STXBP4: variants seen among roughly 807,000 people sequenced by gnomAD.
STXBP4 encodes syntaxin binding protein 4, also known as syntaxin-binding protein 4.
A neutral mutation model predicts 76.1 loss-of-function variants in STXBP4; 55 were observed. The ratio of observed to expected loss-of-function variants is 0.72; its 90% CI spans 0.58 to 0.91. The LOEUF (loss-of-function observed/expected upper bound fraction) is 0.91, where lower values mean the gene tolerates loss of function less well. Among genes scored for constraint, STXBP4 ranks in the 40% least tolerant of loss-of-function variants. The probability of loss-of-function intolerance (pLI) is 0.00; values close to 1 mark genes in which losing one functional copy is unlikely to be tolerated. For synonymous variants in STXBP4, 201 were observed against 220.2 expected (o/e 0.91, Z 0.77); for missense variants, 618 against 636.9 (o/e 0.97, Z 0.32).
chr17:55,108,992 A>G (rs2079674313), intron 16 of STXBP4, among the ~76,000 whole-genome samples: 1 of 152,222 alleles, frequency 6.6e-6, no homozygotes, highest in African/African-American at 2.4e-5. Context: ...AAAGTTGACA[A>G]AAATACATCC....
chr17:55,050,304 C>T (rs2078844014), intron 12 of STXBP4, among the ~76,000 whole-genome samples: 1 of 151,914 alleles, frequency 6.6e-6, no homozygotes, highest in South Asian at 2.1e-4. Context: ...GAAAAATAGG[C>T]AAAAGACCTG....
the STXBP4 span, among the ~76,000 whole-genome samples, chr17:55,180,371 A>G: frequency 6.6e-6 from 1 of 152,250 alleles, no homozygotes; most frequent in African/African-American, 2.4e-5. Context: ...AAAGAACTAT[A>G]GGAACTTTCA....
chr17:55,128,109 A>T (rs1480853903), intron 16 of STXBP4, among the ~76,000 whole-genome samples: 3 of 152,200 alleles, frequency 2.0e-5, no homozygotes, highest in Admixed American at 2.0e-4. Flanking sequence ...TAAAATTTCA[A>T]ATATGTGCAA....
At chr17:55,034,652 A>G (rs1387507604) in intron 10 of STXBP4, among the ~76,000 whole-genome samples, 3 of 152,140 alleles carry the variant, frequency 2.0e-5, no homozygotes, top group African/African-American at 4.8e-5. Flanking sequence ...TATAGCCTAA[A>G]CCATCCTTAT....
chr17:55,103,546 T>G (rs2079591577), intron 16 of STXBP4, among the ~76,000 whole-genome samples: 2 of 151,552 alleles, frequency 1.3e-5, no homozygotes, highest in Non-Finnish European at 2.9e-5. Context: ...TGTAGTATAG[T>G]TTGAAGTCAG....
chr17:54,984,866 C>A (rs2077605043), intron 1 of STXBP4, among the ~76,000 whole-genome samples: 1 of 151,720 alleles, frequency 6.6e-6, no homozygotes, highest in Non-Finnish European at 1.5e-5. Context: ...AGCTTCTTCA[C>A]CCCTCTTTTA....
At chr17:55,100,986 A>G (rs2079556692) in intron 16 of STXBP4, among the ~76,000 whole-genome samples, 1 of 152,178 alleles carries the variant, frequency 6.6e-6, no homozygotes, top group South Asian at 2.1e-4. Flanking sequence ...GACCACAGCC[A>G]TGCTCAACCT....
chr17:55,024,620 A>G (rs1412567643), intron 8 of STXBP4, among the ~76,000 whole-genome samples: 1 of 152,198 alleles, frequency 6.6e-6, no homozygotes, highest in East Asian at 1.9e-4. Flanking sequence ...TTAGAGAAAC[A>G]ATGGTGTAAC....
chr17:55,169,221 A>T lies in STXBP4; in HGVS notation c.*9310A>T, dbSNP rs1002542421. The T allele has an allele frequency of 6.6e-6, 1 of 152,234 alleles. No homozygotes were observed. Among genetic ancestry groups the T allele is most frequent in the Non-Finnish European group, 1.5e-5 (1 of 68,054 alleles). 9.4% of individuals were successfully genotyped at this position (152,234 alleles called of 1,614,324 possible). ...GGGAAAAAAACCCACAAAAAGTGTG[A>T]TGTCAAGCAAAGCCTATTCTGGAGA... On this transcript the variant is annotated 3_prime_UTR_variant, in exon 18 of 18. Coordinates refer to ENST00000376352, the MANE Select transcript of STXBP4 (RefSeq NM_178509.6).
chr17:55,123,557 A>G (rs1259216930), intron 16 of STXBP4, among the ~76,000 whole-genome samples: 1 of 152,168 alleles, frequency 6.6e-6, no homozygotes, highest in East Asian at 1.9e-4. Flanking sequence ...ACAATAATGG[A>G]CTATATCTGA....
At chr17:55,003,387 G>A (rs1219294676) in intron 7 of STXBP4, among the ~76,000 whole-genome samples, 1 of 152,152 alleles carries the variant, frequency 6.6e-6, no homozygotes, top group Non-Finnish European at 1.5e-5. Context: ...TTTTTCTAGA[G>A]TAGAAAGTGC....
intron 2 of STXBP4, among the ~76,000 whole-genome samples, 163 bp from the exon 3 acceptor site, chr17:54,985,979 A>G (rs1051789552): frequency 2.6e-5 from 4 of 152,214 alleles, no homozygotes; most frequent in African/African-American, 9.6e-5. Flanking sequence ...GTTATTGTCA[A>G]TGATAAAATG....
intron 8 of STXBP4, among the ~76,000 whole-genome samples, chr17:55,015,993 G>T (rs538526969): frequency 3.9e-5 from 6 of 152,264 alleles, no homozygotes; most frequent in Admixed American, 1.3e-4. Context: ...AGGCAGTACT[G>T]CAGAAGAATA....
chr17:55,058,140 A>G (rs1279914318), intron 12 of STXBP4, among the ~76,000 whole-genome samples: 2 of 152,224 alleles, frequency 1.3e-5, no homozygotes. Flanking sequence ...ACTGTCTTCC[A>G]CAATGGTTGA....
At chr17:55,007,731 T>C in intron 8 of STXBP4, 134 bp downstream of exon 8, 1 of 641,928 alleles carries the variant, frequency 1.6e-6, no homozygotes, top group East Asian at 3.0e-5. Context: ...TGAATGGCAG[T>C]TTGGATTTAA....
At chr17:55,081,998 T>G (rs1674453164) in intron 16 of STXBP4, among the ~76,000 whole-genome samples, 1 of 152,220 alleles carries the variant, frequency 6.6e-6, no homozygotes, top group Admixed American at 6.5e-5. Flanking sequence ...TAACTACTTC[T>G]TACGTACTCT....
chr17:55,166,768 G>A lies in STXBP4; in HGVS notation c.*6857G>A, dbSNP rs2080379312. On this transcript the variant is annotated 3_prime_UTR_variant, in exon 18 of 18. Transcript: ENST00000376352. ...TCCACCTCAAGAGAGTTGCTGGCCT[G>A]TTTGTCCGGACACTCATTTGGTTAC... 2 of 152,198 alleles carry A rather than the reference G, an allele frequency of 1.3e-5. No homozygotes were observed. The highest frequency in any genetic ancestry group is 4.8e-5 in the African/African-American group (2 of 41,438). 9.4% of individuals were successfully genotyped at this position (152,198 alleles called of 1,614,324 possible). A position where few individuals can be genotyped will look rare whatever the true frequency, so the allele number is the denominator to read the frequency against.
At chr17:55,055,462 C>T (rs920942632) in intron 12 of STXBP4, among the ~76,000 whole-genome samples, 2 of 152,180 alleles carry the variant, frequency 1.3e-5, no homozygotes, top group African/African-American at 4.8e-5. Context: ...CAGGTCCCAC[C>T]TGTGTTGCTA....
At chr17:55,181,221 C>G in the STXBP4 span, among the ~76,000 whole-genome samples, 1 of 152,196 alleles carries the variant, frequency 6.6e-6, no homozygotes, top group African/African-American at 2.4e-5. Flanking sequence ...ATATTCAGAA[C>G]TACCAAGGTG....
Sources: gnomAD v4.1 joint callset for allele counts (sites outside exome capture counted in the v4.1 genomes callset) on GRCh38, gnomAD v4.1.1 for gene constraint, MANE v1.5 for transcripts, NCBI Gene and HGNC (gene_info 2026-07-23, HGNC 2026-07-21) for gene names.